ADAMTSL1: variants seen among roughly 807,000 people sequenced by gnomAD.
ADAMTSL1 encodes ADAMTS-like protein 1.
ADAMTSL1 carries 126 observed loss-of-function variants against 201.8 expected under a neutral mutation model. The ratio of observed to expected loss-of-function variants is 0.62; its 90% CI spans 0.54 to 0.72. The LOEUF (loss-of-function observed/expected upper bound fraction) is 0.72, where lower values mean the gene tolerates loss of function less well. Ranked by LOEUF, ADAMTSL1 falls within the 30% of genes least tolerant of loss-of-function variation. The pLI, the probability that ADAMTSL1 is intolerant of heterozygous loss-of-function variation, is 0.00. For missense variants in ADAMTSL1, 2,679 were observed against 2,277.8 expected (o/e 1.18, Z -3.59); for synonymous variants, 1,121 against 903.4 (o/e 1.24, Z -4.32).
At chr9:18,154,087 C>T (rs2132055515) in intron 1 of ADAMTSL1, among the ~76,000 whole-genome samples, 1 of 152,108 alleles carries the variant, frequency 6.6e-6, no homozygotes, top group South Asian at 2.1e-4. Context: ...ATCTTAAAAT[C>T]CCATTTTTCA....
chr9:18,186,832 AACACAC>A (rs35993162), intron 2 of ADAMTSL1, among the ~76,000 whole-genome samples: 27,113 of 149,352 alleles, frequency 0.18, 2,543 homozygotes, highest in East Asian at 0.23. Flanking sequence ...ATCACTGTAC[AACACAC>A]ACACACACAC....
intron 1 of ADAMTSL1, among the ~76,000 whole-genome samples, chr9:18,124,238 A>T (rs989167718): frequency 6.6e-6 from 1 of 151,822 alleles, no homozygotes; most frequent in African/African-American, 2.4e-5. Flanking sequence ...GTGCACCACC[A>T]TGCCTGGCTA....
intron 2 of ADAMTSL1, among the ~76,000 whole-genome samples, chr9:18,427,452 T>A (rs1287979981): frequency 6.6e-6 from 1 of 152,246 alleles, no homozygotes; most frequent in African/African-American, 2.4e-5. Context: ...GACTTCTATA[T>A]CTAAACAAAT....
intron 2 of ADAMTSL1, among the ~76,000 whole-genome samples, chr9:18,209,100 G>A (rs1048094007): frequency 6.6e-6 from 1 of 152,130 alleles, no homozygotes; most frequent in Non-Finnish European, 1.5e-5. Flanking sequence ...GTGTGTGTGT[G>A]TCTGCGTGTT....
At chr9:18,031,917 C>A (rs1239807842) in intron 1 of ADAMTSL1, among the ~76,000 whole-genome samples, 1 of 152,182 alleles carries the variant, frequency 6.6e-6, no homozygotes, top group South Asian at 2.1e-4. Flanking sequence ...CTGGGCAGGG[C>A]AGTGGTGCCA....
chr9:18,090,719 A>G (rs572775089), intron 1 of ADAMTSL1, among the ~76,000 whole-genome samples: 2 of 152,348 alleles, frequency 1.3e-5, no homozygotes, highest in South Asian at 4.1e-4. Flanking sequence ...AGAGAACTGT[A>G]CACTAAAAAA....
At chr9:18,541,768 T>C (rs1484391433) in intron 3 of ADAMTSL1, among the ~76,000 whole-genome samples, 2 of 152,218 alleles carry the variant, frequency 1.3e-5, no homozygotes, top group East Asian at 3.8e-4. Context: ...AAAATGTTAA[T>C]ACAATGTTAA....
At chr9:18,714,011 A>G (rs1244704705) in intron 14 of ADAMTSL1, among the ~76,000 whole-genome samples, 1 of 150,634 alleles carries the variant, frequency 6.6e-6, no homozygotes. Flanking sequence ...TGGGTACATA[A>G]CGAAATGAAG....
Position 18,044,935 on chromosome 9 carries a change from G to A in ADAMTSL1, c.88-118927G>A, listed in dbSNP as rs939353141. 7.5e-4 allele frequency among the ~76,000 whole-genome samples: 114 copies of A among 152,102 alleles called. 3 individuals are homozygous for A. Among genetic ancestry groups the A allele is most frequent in the Non-Finnish European group, 4.4e-5 (3 of 68,014 alleles). On this transcript the variant is annotated intron_variant, in intron 1 of 29. Transcript: ENST00000680146. ...TCAATTACCAAATTATTAATTGGAA[G>A]GACTCTGATGCACTTTTATTCCTAA...
At chr9:18,756,102 T>A (rs1278902508) in intron 16 of ADAMTSL1, among the ~76,000 whole-genome samples, 1 of 73,812 alleles carries the variant, frequency 1.4e-5, no homozygotes, top group African/African-American at 5.1e-5. Flanking sequence ...TATATATATA[T>A]ATATATATAT....
chr9:18,826,246 G>C, intron 21 of ADAMTSL1, 38 bp from the exon 22 acceptor site: 1 of 1,548,160 alleles, frequency 6.5e-7, no homozygotes, highest in Non-Finnish European at 8.7e-7. Context: ...GTGTTTGACT[G>C]ATGAGTGGGG....
chr9:18,890,464 G>A, intron 25 of ADAMTSL1: 6 of 455,656 alleles, frequency 1.3e-5, no homozygotes, highest in South Asian at 9.3e-5. Context: ...GAGAGCCTGG[G>A]GGGATGTGGC....
intron 13 of ADAMTSL1, among the ~76,000 whole-genome samples, chr9:18,694,391 G>C (rs1032741391): frequency 2.0e-5 from 3 of 152,086 alleles, no homozygotes; most frequent in Admixed American, 6.5e-5. Context: ...TCTCATCTGA[G>C]ACAAGGCAAA....
chr9:18,629,325 A>G (rs368833438), intron 5 of ADAMTSL1, among the ~76,000 whole-genome samples: 7 of 152,114 alleles, frequency 4.6e-5, no homozygotes, highest in African/African-American at 9.7e-5. Flanking sequence ...TCTTATTCCT[A>G]ATCTTAAGAG....
At chr9:18,864,835 G>A (rs1277829984) in intron 23 of ADAMTSL1, among the ~76,000 whole-genome samples, 3 of 152,192 alleles carry the variant, frequency 2.0e-5, no homozygotes, top group African/African-American at 7.2e-5. Flanking sequence ...CCTTGCTGGA[G>A]GCCATTGATT....
intron 1 of ADAMTSL1, among the ~76,000 whole-genome samples, chr9:18,042,015 G>A (rs1821445797): frequency 6.6e-6 from 1 of 151,282 alleles, no homozygotes; most frequent in African/African-American, 2.4e-5. Context: ...TCAGTTGGGT[G>A]ATGCCTTTGA....
intron 3 of ADAMTSL1, among the ~76,000 whole-genome samples, chr9:18,555,931 A>G (rs189865596): frequency 2.6e-5 from 4 of 152,054 alleles, no homozygotes; most frequent in Non-Finnish European, 1.5e-5. Flanking sequence ...TGTAGAAAGG[A>G]GAAAACAGTG....
intron 23 of ADAMTSL1, among the ~76,000 whole-genome samples, chr9:18,884,229 T>C (rs911592039): frequency 1.3e-5 from 2 of 152,236 alleles, no homozygotes; most frequent in Non-Finnish European, 2.9e-5. Context: ...AAATGTCTGC[T>C]CAAGTCCTTT....
At chr9:18,828,695 A>ATATAT (rs59734310) in intron 22 of ADAMTSL1, among the ~76,000 whole-genome samples, 11 of 40,250 alleles carry the variant, frequency 2.7e-4, no homozygotes, top group Non-Finnish European at 4.0e-4. Flanking sequence ...TATATATATA[A>ATATAT]AATGTGTGTG....
Sources: allele counts gnomAD v4.1 joint callset (sites outside exome capture counted in the v4.1 genomes callset), GRCh38; gene constraint gnomAD v4.1.1; transcripts MANE v1.5; gene names NCBI Gene and HGNC (gene_info 2026-07-23, HGNC 2026-07-21).